CFLAR: variants seen among roughly 807,000 people sequenced by gnomAD.
The protein encoded by CFLAR is CASP8 and FADD-like apoptosis regulator.
Under a neutral mutation model 51.1 loss-of-function variants are expected in CFLAR, and 14 were observed. That is an observed-to-expected ratio of 0.27 (90% CI 0.18 to 0.43). The LOEUF is 0.43. Among genes scored for constraint, CFLAR ranks in the 20% least tolerant of loss-of-function variants. The pLI, the probability that CFLAR is intolerant of heterozygous loss-of-function variation, is 1.00. For missense variants in CFLAR, 390 were observed against 566.5 expected (o/e 0.69, Z 3.16); for synonymous variants, 210 against 211.6 (o/e 0.99, Z 0.06).
intron 7 of CFLAR, chr2:201,149,362 G>A: frequency 3.3e-6 from 1 of 302,450 alleles, no homozygotes; most frequent in South Asian, 4.8e-5. Context: ...CTTTTTCTTA[G>A]GTTGACACCT....
At position 201,160,816 on chromosome 2, in the gene CFLAR, G is replaced by A; in HGVS notation, c.1178G>A (p.Cys393Tyr). 6.2e-7 allele frequency: 1 copy of A among 1,614,144 alleles called. No homozygotes were observed. The highest frequency in any genetic ancestry group is 2.2e-5 in the East Asian group (1 of 44,888). Residue 393 changes from cysteine (C) to tyrosine (Y), a missense_variant, in exon 9 of 10, where the codon TGC (cysteine) becomes TAC (tyrosine). Physicochemically the swap from Cys to Tyr is radical, Grantham distance 194. This residue lies in a region of CFLAR where 287 missense variants were observed against 363.6 expected (regional missense o/e 0.79). Coordinates refer to ENST00000309955, the MANE Select transcript of CFLAR (RefSeq NM_003879.7). ...TTCAAGGCTCAGAAGCGAGGGCTGTGCACAGTTCACCGAGAAGCTGACTTC... is the reference window on the plus strand; with the variant it reads ...TTCAAGGCTCAGAAGCGAGGGCTGTACACAGTTCACCGAGAAGCTGACTTC... ...VEFKAQKRGL[C>Y]TVHREADFFW...
intron 4 of CFLAR, chr2:201,136,740 A>AGAT (rs1365935112): frequency 1.3e-5 from 6 of 479,830 alleles, no homozygotes; most frequent in Admixed American, 3.4e-5. Flanking sequence ...TTTTACCCCA[A>AGAT]CATACTCTAA....
chr2:201,139,728 C>G (rs1051273673), intron 4 of CFLAR: 1 of 152,740 alleles, frequency 6.5e-6, no homozygotes, highest in African/African-American at 2.4e-5. Context: ...ATCTGCTGAC[C>G]TTCTCTCCAC....
intron 5 of CFLAR, among the ~76,000 whole-genome samples, chr2:201,145,124 A>C (rs1446769141): frequency 2.0e-5 from 3 of 152,186 alleles, no homozygotes; most frequent in African/African-American, 7.2e-5. Context: ...AGGTGTTGGG[A>C]TTACAGGTGT....
At chr2:201,139,236 G>A (rs558115642) in intron 4 of CFLAR, 231 of 350,258 alleles carry the variant, frequency 6.6e-4, no homozygotes, top group African/African-American at 4.6e-3. Flanking sequence ...TGAAGGCAGC[G>A]TGCTCGTTAA....
At chr2:201,140,496 A>G (rs1309294521) in intron 5 of CFLAR, 57 bp downstream of exon 5, 1 of 1,254,574 alleles carries the variant, frequency 8.0e-7, no homozygotes, top group African/African-American at 1.5e-5. Flanking sequence ...GAGTTCTAAT[A>G]AAAATATGCA....
Position 201,138,349 on chromosome 2 carries a change from C to G in CFLAR, c.524-2008C>G. Reference sequence around the variant, plus strand: ...CGCCCAGCAGCTGCTCATGGGAATCCTTGGAGGCCACAGGGTAGTCTCGGT... The same window carrying G: ...CGCCCAGCAGCTGCTCATGGGAATCGTTGGAGGCCACAGGGTAGTCTCGGT... On this transcript the variant is annotated intron_variant, in intron 4 of 9. Transcript: ENST00000309955. The surrounding 1 kb of genome is among the most constrained non-coding windows in gnomAD (Gnocchi z 4.0). 1.3e-6 allele frequency: 1 copy of G among 769,504 alleles called. No homozygotes were observed. Among genetic ancestry groups the G allele is most frequent in the Non-Finnish European group, 2.4e-6 (1 of 416,470 alleles). The allele number at this position is 769,504 out of a possible 1,614,324, so 47.7% of individuals were successfully genotyped here.
At chr2:201,148,715 C>T (rs1206410612) in intron 6 of CFLAR, 2 of 333,136 alleles carry the variant, frequency 6.0e-6, no homozygotes, top group Admixed American at 4.1e-5. Flanking sequence ...TAAAAACTCA[C>T]CAGCCACCTG....
intron 6 of CFLAR, among the ~76,000 whole-genome samples, chr2:201,145,993 G>A (rs1002802402): frequency 7.3e-5 from 11 of 151,440 alleles, no homozygotes; most frequent in Non-Finnish European, 1.5e-4. Flanking sequence ...TGGAGACGGG[G>A]TCTCACTCTG....
At chr2:201,137,476 G>T in intron 4 of CFLAR, 1 of 562,974 alleles carries the variant, frequency 1.8e-6, no homozygotes, top group South Asian at 1.8e-5. Context: ...GTGGACACTG[G>T]GGTGCACTCC....
Position 201,172,795 on chromosome 2 carries a change from C to T in CFLAR, c.*8822C>T, listed in dbSNP as rs972274837. The T allele has an allele frequency of 6.6e-6, 1 of 152,138 alleles. No homozygotes were observed. The highest frequency in any genetic ancestry group is 1.5e-5 in the Non-Finnish European group (1 of 68,032). 9.4% of individuals were successfully genotyped at this position (152,138 alleles called of 1,614,324 possible). A position where few individuals can be genotyped will look rare whatever the true frequency, so the allele number is the denominator to read the frequency against. On this transcript the variant is annotated 3_prime_UTR_variant, in exon 10 of 10. Transcript: ENST00000309955. ...GATATACCGCATTTAGTTTATTCATCAGTTGATCGAAATTTAGACTGTTTC... is the reference window on the plus strand; with the variant it reads ...GATATACCGCATTTAGTTTATTCATTAGTTGATCGAAATTTAGACTGTTTC...
intron 4 of CFLAR, chr2:201,137,443 A>G (rs1437325099): frequency 1.0e-5 from 5 of 497,230 alleles, no homozygotes; most frequent in Non-Finnish European, 1.9e-5. Flanking sequence ...CCACTCAGTT[A>G]TGGAGGGAGG....
At chr2:201,131,267 C>T (rs542661477) in intron 2 of CFLAR, among the ~76,000 whole-genome samples, 2 of 152,048 alleles carry the variant, frequency 1.3e-5, no homozygotes, top group South Asian at 2.1e-4. Context: ...GACAAAGTCT[C>T]GCTCTGCAGC....
chr2:201,150,138 A>T (rs950887919), intron 8 of CFLAR: 1 of 171,310 alleles, frequency 5.8e-6, no homozygotes, highest in African/African-American at 2.4e-5. Flanking sequence ...GTTCAAGACC[A>T]GCCTGGCCAA....
chr2:201,152,826 T>C (rs1378955499), intron 8 of CFLAR: 2 of 152,496 alleles, frequency 1.3e-5, no homozygotes, highest in Admixed American at 1.3e-4. Flanking sequence ...AGAGACCTGA[T>C]AAAAGAGAAA....
At position 201,173,993 on chromosome 2, in the gene CFLAR, T is replaced by C. The variant is rs1024662065; in HGVS notation, c.*10020T>C. On this transcript the variant is annotated 3_prime_UTR_variant, in exon 10 of 10. Coordinates refer to ENST00000309955, the MANE Select transcript of CFLAR (RefSeq NM_003879.7). ...GGTGGGTTGTCTTTTTATTGTTGAG[T>C]TGTAAGCATTCTTTTTAATATTCTG... 1 of 152,182 alleles carries C rather than the reference T, an allele frequency of 6.6e-6. No individual in the cohort carries two copies. The highest frequency in any genetic ancestry group is 1.5e-5 in the Non-Finnish European group (1 of 68,026). The allele number at this position is 152,182 out of a possible 1,614,324, so 9.4% of individuals were successfully genotyped here.
Position 201,166,353 on chromosome 2 carries a change from C to T in CFLAR, c.*2380C>T, listed in dbSNP as rs1466509843. 1.2e-5 allele frequency: 2 copies of T among 168,642 alleles called. No homozygotes were observed. The highest frequency in any genetic ancestry group is 4.8e-5 in the African/African-American group (2 of 41,416). 10.4% of individuals were successfully genotyped at this position (168,642 alleles called of 1,614,324 possible). A position where few individuals can be genotyped will look rare whatever the true frequency, so the allele number is the denominator to read the frequency against. On this transcript the variant is annotated 3_prime_UTR_variant, in exon 10 of 10. Transcript: ENST00000309955. ...GTGGCTGCTGGGCGGAGACGCTCCT[C>T]ACTTCCCAGACAGGGTGGCTGTCGG...
Position 201,138,809 on chromosome 2 carries a change from A to T in CFLAR, c.524-1548A>T. ...GAATGAAACCAGTACCTCCCATCAG[A>T]GCCATCACGATGGCCAGGTCGGCCT... On this transcript the variant is annotated intron_variant, in intron 4 of 9. Transcript: ENST00000309955. The surrounding 1 kb of genome is among the most constrained non-coding windows in gnomAD (Gnocchi z 4.0). 2.6e-6 allele frequency: 2 copies of T among 756,032 alleles called. No homozygotes were observed. The highest frequency in any genetic ancestry group is 4.9e-6 in the Non-Finnish European group (2 of 410,676). The allele number at this position is 756,032 out of a possible 1,614,324, so 46.8% of individuals were successfully genotyped here. A position where few individuals can be genotyped will look rare whatever the true frequency, so the allele number is the denominator to read the frequency against.
chr2:201,131,047 G>A (rs1559184841), intron 2 of CFLAR, among the ~76,000 whole-genome samples: 2 of 152,186 alleles, frequency 1.3e-5, no homozygotes, highest in African/African-American at 2.4e-5. Context: ...AATCTCTTCA[G>A]TTAACCACAT....
Sources: allele counts gnomAD v4.1 joint callset (sites outside exome capture counted in the v4.1 genomes callset), GRCh38; gene constraint gnomAD v4.1.1; regional missense constraint gnomAD v4.1.1; non-coding constraint Gnocchi (gnomAD v3.1); transcripts MANE v1.5; gene names NCBI Gene and HGNC (gene_info 2026-07-23, HGNC 2026-07-21).